BOC: variants seen among roughly 807,000 people sequenced by gnomAD.
BOC encodes BOC cell adhesion associated, oncogene regulated.
A neutral mutation model predicts 112.0 loss-of-function variants in BOC; 76 were observed. That is an observed-to-expected ratio of 0.68 (90% CI 0.56 to 0.82). The LOEUF (loss-of-function observed/expected upper bound fraction) is 0.82. Among genes scored for constraint, BOC ranks in the 40% least tolerant of loss-of-function variants. The pLI, the probability that BOC is intolerant of heterozygous loss-of-function variation, is 0.00. For synonymous variants in BOC, 580 were observed against 599.8 expected (o/e 0.97, Z 0.48); for missense variants, 1,309 against 1,511.7 (o/e 0.87, Z 2.22).
rs1400619746 is a variant in BOC, at chr3:113,286,914, AAAAG to A, written c.*55_*58del. 9 of 1,442,118 alleles carry A rather than the reference AAAAG, an allele frequency of 6.2e-6. No homozygotes were observed. The highest frequency in any genetic ancestry group is 4.7e-5 in the Admixed American group (2 of 42,640). 89.3% of individuals were successfully genotyped at this position (1,442,118 alleles called of 1,614,324 possible). A position where few individuals can be genotyped will look rare whatever the true frequency, so the allele number is the denominator to read the frequency against. On this transcript the variant is annotated 3_prime_UTR_variant, in exon 20 of 20. Transcript: ENST00000682979. Reference sequence around the variant, plus strand: ...ATATATTGTTTTTTTTTTAAAAAAAAAAAGAAGAAAAAAGAGACAGAGAAAATTG... The same window carrying A: ...ATATATTGTTTTTTTTTTAAAAAAAAAAGAAAAAAGAGACAGAGAAAATTG...
At chr3:113,219,499 A>G (rs1358994305) in intron 2 of BOC, among the ~76,000 whole-genome samples, 1 of 152,232 alleles carries the variant, frequency 6.6e-6, no homozygotes, top group Non-Finnish European at 1.5e-5. Context: ...GACTTGTTCT[A>G]GTCTCACAGC....
chr3:113,276,022 G>A (rs186556140), intron 9 of BOC, among the ~76,000 whole-genome samples: 8 of 152,318 alleles, frequency 5.3e-5, no homozygotes, highest in Admixed American at 3.3e-4. Context: ...CCAGCAAAGC[G>A]GGTGAATGAG....
intron 2 of BOC, among the ~76,000 whole-genome samples, chr3:113,238,127 G>C (rs1164964955): frequency 6.6e-6 from 1 of 152,190 alleles, no homozygotes; most frequent in Non-Finnish European, 1.5e-5. Context: ...GGTGACATTT[G>C]AGGTAAGATT....
At chr3:113,237,709 T>C (rs928939767) in intron 2 of BOC, among the ~76,000 whole-genome samples, 5 of 152,164 alleles carry the variant, frequency 3.3e-5, no homozygotes, top group African/African-American at 1.2e-4. Flanking sequence ...GACCTTTTGG[T>C]TTTGAAAAAT....
At chr3:113,233,580 A>G (rs1943003980) in intron 2 of BOC, among the ~76,000 whole-genome samples, 1 of 152,114 alleles carries the variant, frequency 6.6e-6, no homozygotes, top group South Asian at 2.1e-4. Flanking sequence ...TCACCTTGGC[A>G]TCTCAGGTGA....
intron 4 of BOC, among the ~76,000 whole-genome samples, chr3:113,257,675 A>G (rs970360424): frequency 2.6e-5 from 4 of 152,154 alleles, no homozygotes; most frequent in Non-Finnish European, 5.9e-5. Flanking sequence ...CATTTCCAAC[A>G]GTCATTATAA....
In BOC at chr3:113,255,955, A is replaced by C. The variant is rs193066594; in HGVS notation, c.376+5122A>C. ...GTTTAAGCCTTAGCTCTGCCATTTAAGTGTTCCATGACTTTGAGCAAATCA... is the reference window on the plus strand; with the variant it reads ...GTTTAAGCCTTAGCTCTGCCATTTACGTGTTCCATGACTTTGAGCAAATCA... On this transcript the variant is annotated intron_variant, in intron 4 of 19. Coordinates refer to ENST00000682979, the MANE Select transcript of BOC (RefSeq NM_001378074.1). 1.6e-3 allele frequency among the ~76,000 whole-genome samples: 240 copies of C among 152,400 alleles called. 1 individual carries two copies. The highest frequency in any genetic ancestry group is 2.6e-3 in the Non-Finnish European group (179 of 68,042).
chr3:113,224,455 G>A (rs1481533500), intron 2 of BOC, among the ~76,000 whole-genome samples: 1 of 152,114 alleles, frequency 6.6e-6, no homozygotes, highest in Non-Finnish European at 1.5e-5. Context: ...GCATTCTGGA[G>A]GACAGGTGAT....
Position 113,281,166 on chromosome 3 carries a change from G to A in BOC, c.2434+13G>A, listed in dbSNP as rs555783375. 6.2e-7 allele frequency: 1 copy of A among 1,613,878 alleles called. No homozygotes were observed. Among genetic ancestry groups the A allele is most frequent in the South Asian group, 1.1e-5 (1 of 91,014 alleles). ...TGTGAGACCAAAGGTGAAGCTCTTT[G>A]GGTTCTCTCTCCTGTCTTGGTGTTT... On this transcript the variant is annotated intron_variant, in intron 15 of 19. Coordinates refer to ENST00000682979, the MANE Select transcript of BOC (RefSeq NM_001378074.1).
At chr3:113,235,853 A>C (rs1463911591) in intron 2 of BOC, among the ~76,000 whole-genome samples, 1 of 152,182 alleles carries the variant, frequency 6.6e-6, no homozygotes, top group East Asian at 1.9e-4. Context: ...CCATTGCTTA[A>C]TTTTGTATAG....
At chr3:113,277,657 A>T in intron 9 of BOC, among the ~76,000 whole-genome samples, 1 of 152,256 alleles carries the variant, frequency 6.6e-6, no homozygotes. Context: ...GAATGTTGCT[A>T]TTTTAATGGG....
intron 4 of BOC, among the ~76,000 whole-genome samples, chr3:113,264,804 C>T (rs1464270895): frequency 6.6e-6 from 1 of 152,066 alleles, no homozygotes; most frequent in Non-Finnish European, 1.5e-5. Context: ...AAGGCTTAAG[C>T]TTAGGAGGCA....
chr3:113,256,438 G>A (rs1485054692), intron 4 of BOC, among the ~76,000 whole-genome samples: 1 of 152,232 alleles, frequency 6.6e-6, no homozygotes, highest in Non-Finnish European at 1.5e-5. Context: ...GCTGCTCACT[G>A]ATGCTCCTGT....
At chr3:113,253,184 A>G (rs116987777) in intron 4 of BOC, among the ~76,000 whole-genome samples, 1 of 151,872 alleles carries the variant, frequency 6.6e-6, no homozygotes, top group East Asian at 1.9e-4. Context: ...TACAACAAAT[A>G]TACAAGTTCT....
chr3:113,265,867 T>C (rs1947423832), intron 4 of BOC, among the ~76,000 whole-genome samples: 2 of 152,250 alleles, frequency 1.3e-5, no homozygotes, highest in African/African-American at 4.8e-5. Context: ...CCCATCAAGC[T>C]GGCCTTGGGC....
At chr3:113,262,531 C>T (rs1328663772) in intron 4 of BOC, among the ~76,000 whole-genome samples, 2 of 152,120 alleles carry the variant, frequency 1.3e-5, no homozygotes, top group Non-Finnish European at 2.9e-5. Context: ...GTCTATGTGC[C>T]AGGGCTAAAA....
intron 2 of BOC, among the ~76,000 whole-genome samples, chr3:113,216,808 G>A (rs1204485717): frequency 6.6e-6 from 1 of 152,178 alleles, no homozygotes; most frequent in East Asian, 1.9e-4. Context: ...GCAGTAAGAG[G>A]AAATCAGAGC....
intron 2 of BOC, among the ~76,000 whole-genome samples, chr3:113,243,364 A>C (rs1265479609): frequency 6.6e-6 from 1 of 152,214 alleles, no homozygotes; most frequent in Non-Finnish European, 1.5e-5. Context: ...TATTTGAAAG[A>C]GATTACACCC....
At chr3:113,267,709 C>T (rs1438839721) in intron 4 of BOC, among the ~76,000 whole-genome samples, 1 of 152,174 alleles carries the variant, frequency 6.6e-6, no homozygotes, top group Admixed American at 6.5e-5. Flanking sequence ...ATCGTGGATG[C>T]CTAAGGAGAA....
Sources: gnomAD v4.1 joint callset for allele counts (sites outside exome capture counted in the v4.1 genomes callset) on GRCh38, gnomAD v4.1.1 for gene constraint, MANE v1.5 for transcripts, NCBI Gene and HGNC (gene_info 2026-07-23, HGNC 2026-07-21) for gene names.